The following CLDN7 variants were observed in gnomAD, a reference collection of about 807,000 sequenced individuals.
The protein encoded by CLDN7 is claudin-7.
In CLDN7, 15 loss-of-function variants were observed where a neutral mutation model predicts 20.3. That is an observed-to-expected ratio of 0.74 (90% CI 0.49 to 1.14). The LOEUF is 1.14. Ranked by LOEUF, CLDN7 falls within the 50% of genes most tolerant of loss-of-function variation. CLDN7 has a pLI of 0.00. For missense variants in CLDN7, 261 were observed against 274.2 expected (o/e 0.95, Z 0.34); for synonymous variants, 117 against 106.1 (o/e 1.10, Z -0.63).
Position 7,260,671 on chromosome 17 carries a change from A to C in CLDN7, c.444T>G (p.Phe148Leu). Residue 148 changes from phenylalanine to leucine, a missense_variant, in exon 3 of 4, where the codon TTT becomes TTG. By Grantham distance (22) the Phe-to-Leu change is conservative. Around this residue, in one of 2 missense-constraint regions of CLDN7, gnomAD observed 215 missense variants for 199.6 expected, o/e 1.08. Coordinates refer to ENST00000360325, the MANE Select transcript of CLDN7 (RefSeq NM_001307.6). Reference sequence around the variant, plus strand: ...TGTTGGTAGGGATCAAAGGGTTATAAAAGTCTGTGACAATCTGATGGCCAT... The same window carrying C: ...TGTTGGTAGGGATCAAAGGGTTATACAAGTCTGTGACAATCTGATGGCCAT... The part of the protein sequence containing the change: ...SWYGHQIVTD[F>L]YNPLIPTNIK... The C allele has an allele frequency of 6.2e-7, 1 of 1,614,196 alleles. No individual in the cohort carries two copies. Among genetic ancestry groups the C allele is most frequent in the Non-Finnish European group, 8.5e-7 (1 of 1,180,028 alleles).
Position 7,260,266 on chromosome 17 carries a change from A to G in CLDN7, c.*108T>C. On this transcript the variant is annotated 3_prime_UTR_variant, in exon 4 of 4. Coordinates refer to ENST00000360325, the MANE Select transcript of CLDN7 (RefSeq NM_001307.6). Reference sequence around the variant, plus strand: ...CATGGAGTGCAGGGACAGAGTGACCAGGAGGCCTTTGTCCGGCACCCTGCC... The same window carrying G: ...CATGGAGTGCAGGGACAGAGTGACCGGGAGGCCTTTGTCCGGCACCCTGCC... 1.0e-6 allele frequency: 1 copy of G among 992,870 alleles called. No homozygotes were observed. Among genetic ancestry groups the G allele is most frequent in the South Asian group, 1.6e-5 (1 of 64,088 alleles). The allele number at this position is 992,870 out of a possible 1,614,324, so 61.5% of individuals were successfully genotyped here.
intron 1 of CLDN7, 109 bp from the exon 2 acceptor site, chr17:7,261,094 T>A (rs1278934199): frequency 1.4e-6 from 2 of 1,431,058 alleles, no homozygotes; most frequent in Non-Finnish European, 1.8e-6. Context: ...TCCGGCGCCG[T>A]GTTCTGCCGA....
rs1383974416 is a variant in CLDN7, at chr17:7,261,904, T to C, written c.140A>G (p.Tyr47Cys). Residue 47 changes from tyrosine (Y) to cysteine (C), a missense_variant, in exon 1 of 4, where the codon TAC becomes TGC. This residue lies in a region of CLDN7 where 46 missense variants were observed against 74.6 expected (regional missense o/e 0.62). Coordinates refer to ENST00000360325, the MANE Select transcript of CLDN7 (RefSeq NM_001307.6). Reference sequence around the variant, plus strand: ...GACGCAGTCCATCCACAGCCCCTTGTACATGGCCTGGGCCGTGATGATGTT... The same window carrying C: ...GACGCAGTCCATCCACAGCCCCTTGCACATGGCCTGGGCCGTGATGATGTT... Reference protein sequence around the residue: ...GDNIITAQAMYKGLWMDCVTQ... With the variant: ...GDNIITAQAMCKGLWMDCVTQ... 1.9e-6 allele frequency: 3 copies of C among 1,614,090 alleles called. No individual in the cohort carries two copies. Among genetic ancestry groups the C allele is most frequent in the Non-Finnish European group, 2.5e-6 (3 of 1,180,038 alleles).
At chr17:7,260,779 C>T in intron 2 of CLDN7, 42 bp downstream of exon 2, 2 of 1,614,232 alleles carry the variant, frequency 1.2e-6, no homozygotes, top group Non-Finnish European at 1.7e-6. Flanking sequence ...GGGCGCCTTG[C>T]CCAGCCTTGC....
chr17:7,260,217 CA>C lies in CLDN7; in HGVS notation c.*156del. 1.6e-6 allele frequency: 1 copy of C among 618,908 alleles called. No individual in the cohort carries two copies. Among genetic ancestry groups the C allele is most frequent in the African/African-American group, 1.9e-5 (1 of 53,018 alleles). 38.3% of individuals were successfully genotyped at this position (618,908 alleles called of 1,614,324 possible). On this transcript the variant is annotated 3_prime_UTR_variant, in exon 4 of 4. Coordinates refer to ENST00000360325, the MANE Select transcript of CLDN7 (RefSeq NM_001307.6). ...GTCTCTCCCACCAACGGCACCCCCC[CA>C]CCCCCAACCCAAGAGGACTATACAT...
chr17:7,262,122 A>G lies in CLDN7; in HGVS notation c.-79T>C, dbSNP rs1449425277. The G allele has an allele frequency of 6.6e-7, 1 of 1,505,130 alleles. No homozygotes were observed. The highest frequency in any genetic ancestry group is 8.9e-7 in the Non-Finnish European group (1 of 1,127,340). The allele number at this position is 1,505,130 out of a possible 1,614,324, so 93.2% of individuals were successfully genotyped here. Reference sequence around the variant, plus strand: ...CAAACGACACTTGGGGGGCAGCCCCACAAAAGAAAACTTGAGGTGGAGTTT... The same window carrying G: ...CAAACGACACTTGGGGGGCAGCCCCGCAAAAGAAAACTTGAGGTGGAGTTT... On this transcript the variant is annotated 5_prime_UTR_variant, in exon 1 of 4. Transcript: ENST00000360325. The surrounding 1 kb of genome is among the most constrained non-coding windows in gnomAD (Gnocchi z 6.6).
rs2072240936 is a variant in CLDN7, at chr17:7,262,421, G to A, written c.-378C>T. Reference sequence around the variant, plus strand: ...AAGTCCCAAAGTATCCTGGGCTGTAGGTCCGAGGCTGCGGTGCGCAGCAGA... The same window carrying A: ...AAGTCCCAAAGTATCCTGGGCTGTAAGTCCGAGGCTGCGGTGCGCAGCAGA... On this transcript the variant is annotated 5_prime_UTR_variant, in exon 1 of 4. Coordinates refer to ENST00000360325, the MANE Select transcript of CLDN7 (RefSeq NM_001307.6). The surrounding 1 kb of genome is among the most constrained non-coding windows in gnomAD (Gnocchi z 6.6). The A allele has an allele frequency of 2.7e-6, 3 of 1,108,914 alleles. No homozygotes were observed. The South Asian group carries it at 6.9e-5, about 26-fold the overall frequency. 68.7% of individuals were successfully genotyped at this position (1,108,914 alleles called of 1,614,324 possible). A position where few individuals can be genotyped will look rare whatever the true frequency, so the allele number is the denominator to read the frequency against.
At position 7,262,221 on chromosome 17, in the gene CLDN7, C is replaced by T. The variant is rs2072238136; in HGVS notation, c.-178G>A. Reference sequence around the variant, plus strand: ...TCTTGTCACCAAACTACACACAAATCGACCCCTCCAGTGAAGCGATGGCCT... The same window carrying T: ...TCTTGTCACCAAACTACACACAAATTGACCCCTCCAGTGAAGCGATGGCCT... On this transcript the variant is annotated 5_prime_UTR_variant, in exon 1 of 4. Coordinates refer to ENST00000360325, the MANE Select transcript of CLDN7 (RefSeq NM_001307.6). The surrounding 1 kb of genome is among the most constrained non-coding windows in gnomAD (Gnocchi z 6.6). The T allele has an allele frequency of 1.0e-5, 15 of 1,434,742 alleles. No homozygotes were observed. Among genetic ancestry groups the T allele is most frequent in the Non-Finnish European group, 1.3e-5 (14 of 1,100,034 alleles). 88.9% of individuals were successfully genotyped at this position (1,434,742 alleles called of 1,614,324 possible).
chr17:7,260,819 A>G lies in CLDN7; in HGVS notation c.388+2T>C. The G allele has an allele frequency of 6.2e-7, 1 of 1,613,786 alleles. No homozygotes were observed. The highest frequency in any genetic ancestry group is 8.5e-7 in the Non-Finnish European group (1 of 1,179,988). Reference sequence around the variant, plus strand: ...CCCAGATGGGAGAACCCGGGGGCTCACCTGCCACGATGAAAATTATGCCTC... The same window carrying G: ...CCCAGATGGGAGAACCCGGGGGCTCGCCTGCCACGATGAAAATTATGCCTC... On this transcript the variant is annotated splice_donor_variant, in intron 2 of 3. Transcript: ENST00000360325. LOFTEE classifies it high-confidence loss of function.
Position 7,260,712 on chromosome 17 carries a change from C to T in CLDN7, c.403G>A (p.Val135Ile), listed in dbSNP as rs140980249. Residue 135 changes from valine (V) to isoleucine (I), a missense_variant, in exon 3 of 4, where the codon GTA becomes ATA. Around this residue, in one of 2 missense-constraint regions of CLDN7, gnomAD observed 215 missense variants for 199.6 expected, o/e 1.08. Coordinates refer to ENST00000360325, the MANE Select transcript of CLDN7 (RefSeq NM_001307.6). Reference sequence around the variant, plus strand: ...TGATGGCCATACCAGGAGCAAGCTACCAAGGCGGCAAGACCTGGAGACAGA... The same window carrying T: ...TGATGGCCATACCAGGAGCAAGCTATCAAGGCGGCAAGACCTGGAGACAGA... ...IFIVAGLAAL[V>I]ACSWYGHQIV... The T allele has an allele frequency of 8.1e-5, 131 of 1,614,100 alleles. No individual in the cohort carries two copies. Among genetic ancestry groups the T allele is most frequent in the Non-Finnish European group, 1.1e-4 (126 of 1,180,044 alleles).
intron 1 of CLDN7, 119 bp from the exon 2 acceptor site, chr17:7,261,104 A>T: frequency 7.2e-7 from 1 of 1,385,896 alleles, no homozygotes; most frequent in Admixed American, 2.6e-5. Context: ...TGTTCTGCCG[A>T]GGGCCAGGGG....
In CLDN7 at chr17:7,260,859, C is replaced by G. The variant is rs757414858; in HGVS notation, c.350G>C (p.Arg117Pro). 6.2e-7 allele frequency: 1 copy of G among 1,614,120 alleles called. No homozygotes were observed. The highest frequency in any genetic ancestry group is 8.5e-7 in the Non-Finnish European group (1 of 1,180,054). ...AATTATGCCTCCACCCATGGCTATA[C>G]GGGCCTTCTTCACTTTGTCGTCTCC... ...CGGDDKVKKA[R>P]IAMGGGIIFI... The change falls in exon 2 of 4, where the codon CGT (arginine) becomes CCT (proline). Residue 117 changes from arginine (R) to proline (P), a missense_variant. This residue lies in a region of CLDN7 where 215 missense variants were observed against 199.6 expected (regional missense o/e 1.08). Transcript: ENST00000360325.
chr17:7,259,927 T>G lies in CLDN7; in HGVS notation c.*447A>C. 1 of 475,790 alleles carries G rather than the reference T, an allele frequency of 2.1e-6. No homozygotes were observed. 29.5% of individuals were successfully genotyped at this position (475,790 alleles called of 1,614,324 possible). Reference sequence around the variant, plus strand: ...GTACCTAATAAAAATCTTTATTTTTTTATTAAAAAAGAAGTACTTTGGTAG... The same window carrying G: ...GTACCTAATAAAAATCTTTATTTTTGTATTAAAAAAGAAGTACTTTGGTAG... On this transcript the variant is annotated 3_prime_UTR_variant, in exon 4 of 4. Transcript: ENST00000360325.
rs200335308 is a variant in CLDN7, at chr17:7,261,873, C to T, written c.171G>A (p.Gln57=). Residue 57 remains glutamine (Q), a synonymous_variant, in exon 1 of 4, where the codon CAG becomes CAA. Coordinates refer to ENST00000360325, the MANE Select transcript of CLDN7 (RefSeq NM_001307.6). The part of the protein sequence containing the change: ...YKGLWMDCVT[Q]STGMMSCKMY... ...TTTTGCAGCTCATCATCCCCGTGCT[C>T]TGCGTGACGCAGTCCATCCACAGCC... 294 of 1,614,204 alleles carry T rather than the reference C, an allele frequency of 1.8e-4. No individual in the cohort carries two copies. Among genetic ancestry groups the T allele is most frequent in the Admixed American group, 4.3e-4 (26 of 60,036 alleles).
intron 3 of CLDN7, 28 bp from the exon 4 acceptor site, chr17:7,260,564 C>A (rs200397491): frequency 3.5e-5 from 57 of 1,611,738 alleles, no homozygotes; most frequent in African/African-American, 4.0e-5. Context: ...TGGTTAGAAA[C>A]CCTGGCGTGC....
chr17:7,261,234 G>A, intron 1 of CLDN7: 1 of 567,636 alleles, frequency 1.8e-6, no homozygotes, highest in South Asian at 2.1e-5. Flanking sequence ...CCGGGGTTTC[G>A]GTGAAACTGC....
intron 1 of CLDN7, 76 bp from the exon 2 acceptor site, chr17:7,261,061 C>T (rs1373676556): frequency 2.7e-6 from 4 of 1,507,066 alleles, no homozygotes. Flanking sequence ...CGGCCGCGCC[C>T]ACTAACCGCT....
chr17:7,260,444 T>C lies in CLDN7; in HGVS notation c.566A>G (p.Asn189Ser). The change falls in exon 4 of 4, where the codon AAT becomes AGT. Residue 189 changes from asparagine to serine, a missense_variant. Asn to Ser is a conservative substitution (Grantham distance 46, BLOSUM62 1). Transcript: ENST00000360325. ...GALLSCSCPG[N>S]ESKAGYRVPR... is the part of the protein sequence containing the mutation. ...TACACGGTACCCAGCCTTGCTCTCA[T>C]TCCCAGGACAGGAACAGGAGAGCAG... The C allele has an allele frequency of 6.2e-7, 1 of 1,613,810 alleles. No individual in the cohort carries two copies. Among genetic ancestry groups the C allele is most frequent in the Non-Finnish European group, 8.5e-7 (1 of 1,179,888 alleles).
Position 7,260,227 on chromosome 17 carries a change from C to A in CLDN7, c.*147G>T. On this transcript the variant is annotated 3_prime_UTR_variant, in exon 4 of 4. Coordinates refer to ENST00000360325, the MANE Select transcript of CLDN7 (RefSeq NM_001307.6). Reference sequence around the variant, plus strand: ...CCAACGGCACCCCCCCACCCCCAACCCAAGAGGACTATACATGGAGTGCAG... The same window carrying A: ...CCAACGGCACCCCCCCACCCCCAACACAAGAGGACTATACATGGAGTGCAG... The A allele has an allele frequency of 1.4e-6, 1 of 713,954 alleles. No individual in the cohort carries two copies. Among genetic ancestry groups the A allele is most frequent in the South Asian group, 2.5e-5 (1 of 40,172 alleles). The allele number at this position is 713,954 out of a possible 1,614,324, so 44.2% of individuals were successfully genotyped here.
Sources: gnomAD v4.1 joint callset for allele counts on GRCh38, gnomAD v4.1.1 for gene constraint, gnomAD v4.1.1 regional missense constraint, Gnocchi (gnomAD v3.1) non-coding constraint, MANE v1.5 for transcripts, NCBI Gene and HGNC (gene_info 2026-07-23, HGNC 2026-07-21) for gene names.